Variants in TESC observed in about 807,000 individuals in gnomAD.
TESC encodes the protein calcineurin B homologous protein 3.
In TESC, 19 loss-of-function variants were observed where a neutral mutation model predicts 31.0. The ratio of observed to expected loss-of-function variants is 0.61; its 90% CI spans 0.43 to 0.90. The LOEUF is 0.90. TESC is among the 40% of genes least tolerant of loss of function. The probability of loss-of-function intolerance (pLI) is 0.00; values close to 1 mark genes in which losing one functional copy is unlikely to be tolerated. For synonymous variants in TESC, 109 were observed against 114.8 expected (o/e 0.95, Z 0.32); for missense variants, 248 against 303.8 (o/e 0.82, Z 1.36).
In TESC at chr12:117,082,590, C is replaced by A. The variant is rs191404916; in HGVS notation, c.59-7250G>T. Among the ~76,000 whole-genome samples the A allele has an allele frequency of 4.6e-5, 7 of 151,866 alleles. No individual in the cohort carries two copies. In the East Asian group the frequency reaches 1.4e-3, roughly 29 times the overall value. ...GGTACATCCTGAAGTCAGAATACTA[C>A]ACAGCCTTTATAAATATTTTTTGAA... On this transcript the variant is annotated intron_variant, in intron 1 of 7. Transcript: ENST00000335209.
intron 1 of TESC, among the ~76,000 whole-genome samples, chr12:117,081,505 C>G (rs1042126808): frequency 6.6e-6 from 1 of 152,084 alleles, no homozygotes; most frequent in Non-Finnish European, 1.5e-5. Flanking sequence ...TTGGTATATA[C>G]CCTTTGAATC....
chr12:117,068,317 G>A (rs1411657444), intron 2 of TESC, among the ~76,000 whole-genome samples: 2 of 152,138 alleles, frequency 1.3e-5, no homozygotes, highest in Non-Finnish European at 2.9e-5. Context: ...ATCACCTGAG[G>A]TCAGGAGTTT....
At chr12:117,070,431 C>G (rs1163265802) in intron 2 of TESC, among the ~76,000 whole-genome samples, 1 of 152,146 alleles carries the variant, frequency 6.6e-6, no homozygotes, top group Non-Finnish European at 1.5e-5. Context: ...GCAGGCTGGG[C>G]TGGGGCTGTC....
chr12:117,057,761 G>GT (rs1446704341), intron 2 of TESC, among the ~76,000 whole-genome samples: 1 of 152,138 alleles, frequency 6.6e-6, no homozygotes, highest in Non-Finnish European at 1.5e-5. Context: ...ATGCAATGGA[G>GT]TTTTTTTGTT....
rs1954872046 is a variant in TESC, at chr12:117,065,898, A to G, written c.129-9012T>C. Among the ~76,000 whole-genome samples the G allele has an allele frequency of 2.0e-5, 3 of 152,160 alleles. No individual in the cohort carries two copies. The South Asian group carries it at 6.2e-4, about 31-fold the overall frequency. On this transcript the variant is annotated intron_variant, in intron 2 of 7. Coordinates refer to ENST00000335209, the MANE Select transcript of TESC (RefSeq NM_017899.4). The stretch of plus-strand genomic sequence containing the variant: ...CAACAACAAAAAAGTAGGAGCTAAC[A>G]TACAGCTGGTGTTTCAGGCCACATC...
chr12:117,076,383 C>T (rs1235377210), intron 1 of TESC, among the ~76,000 whole-genome samples: 1 of 152,174 alleles, frequency 6.6e-6, no homozygotes, highest in South Asian at 2.1e-4. Flanking sequence ...CAATATTAAA[C>T]AATGATCTGC....
chr12:117,049,025 G>C lies in TESC; in HGVS notation c.343C>G (p.Leu115Val), dbSNP rs370536389. 8 of 1,614,078 alleles carry C rather than the reference G, an allele frequency of 5.0e-6. No individual in the cohort carries two copies. The African/African-American group carries it at 8.0e-5, about 16-fold the overall frequency. ...GGGACTCAGTGGCACGCACATCTCA[G>C]CTTCTCCTTCCGGGACAGCTCCACC... ...EQVELSRKEK[L>V]RFLFHMYDSD... Residue 115 changes from leucine to valine, a missense_variant, in exon 4 of 8, where the codon CTG (leucine) becomes GTG (valine). Coordinates refer to ENST00000335209, the MANE Select transcript of TESC (RefSeq NM_017899.4).
intron 2 of TESC, among the ~76,000 whole-genome samples, chr12:117,065,218 C>T (rs936701818): frequency 6.6e-6 from 1 of 152,162 alleles, no homozygotes; most frequent in Non-Finnish European, 1.5e-5. Flanking sequence ...TGAAGACAGA[C>T]ACAGGGGAAC....
In TESC at chr12:117,075,265, T is replaced by C; in HGVS notation, c.128+6A>G. 6.2e-7 allele frequency: 1 copy of C among 1,612,488 alleles called. No individual in the cohort carries two copies. The highest frequency in any genetic ancestry group is 8.5e-7 in the Non-Finnish European group (1 of 1,179,796). On this transcript the variant is annotated splice_donor_region_variant and intron_variant, in intron 2 of 7. Coordinates refer to ENST00000335209, the MANE Select transcript of TESC (RefSeq NM_017899.4). Reference sequence around the variant, plus strand: ...ACCCAGCACCCAAACCCGCTGCCAATCTTACCGAATGGTAGGCTGATCTCC... The same window carrying C: ...ACCCAGCACCCAAACCCGCTGCCAACCTTACCGAATGGTAGGCTGATCTCC...
At chr12:117,079,282 C>CT (rs1384438464) in intron 1 of TESC, among the ~76,000 whole-genome samples, 2 of 152,126 alleles carry the variant, frequency 1.3e-5, no homozygotes, top group African/African-American at 4.8e-5. Context: ...TGAGTTATGG[C>CT]TGGGCGTGGT....
intron 1 of TESC, among the ~76,000 whole-genome samples, chr12:117,075,939 A>ATGTGTGTG (rs1213149673): frequency 3.8e-5 from 4 of 104,016 alleles, no homozygotes; most frequent in Non-Finnish European, 7.2e-5. Context: ...ATATATATAT[A>ATGTGTGTG]TGTATATATA....
chr12:117,086,490 G>A (rs966543146), intron 1 of TESC, among the ~76,000 whole-genome samples: 2 of 152,116 alleles, frequency 1.3e-5, no homozygotes, highest in African/African-American at 4.8e-5. Context: ...GGAGTGCAGT[G>A]GCACGATCAC....
intron 3 of TESC, among the ~76,000 whole-genome samples, chr12:117,052,682 C>T (rs1954664551): frequency 2.0e-5 from 3 of 152,176 alleles, no homozygotes; most frequent in South Asian, 4.1e-4. Context: ...CATCTTTCAA[C>T]GACAGCTCTG....
rs182562612 is a variant in TESC at position 117,099,045 on chromosome 12, T to A, written c.58+180A>T. On this transcript the variant is annotated intron_variant, in intron 1 of 7. Transcript: ENST00000335209. The stretch of plus-strand genomic sequence containing the variant: ...GCGGCACTGAGCATCGCCGCGGAGC[T>A]CCTCGCCGCAGCCCGCGAGGTGGCC... Among the ~76,000 whole-genome samples, 179 of 152,004 alleles carry A rather than the reference T, an allele frequency of 1.2e-3. 1 individual carries two copies. Among genetic ancestry groups the A allele is most frequent in the African/African-American group, 4.0e-3 (166 of 41,464 alleles).
intron 4 of TESC, among the ~76,000 whole-genome samples, chr12:117,047,334 G>A (rs961952301): frequency 1.3e-5 from 2 of 152,316 alleles, no homozygotes; most frequent in South Asian, 2.1e-4. Flanking sequence ...TCAGGGAGGC[G>A]ATGGCCGGGA....
rs377131896 is a variant in TESC at position 117,041,906 on chromosome 12, C to T, written c.567+41G>A. On this transcript the variant is annotated intron_variant, in intron 7 of 7. Coordinates refer to ENST00000335209, the MANE Select transcript of TESC (RefSeq NM_017899.4). ...TCCTGACCAGTGGGCCACACGAGGT[C>T]TTCAAGGGTCCCCCGAGGCTCCCAC... 7 of 1,557,176 alleles carry T rather than the reference C, an allele frequency of 4.5e-6. No homozygotes were observed. In the South Asian group the frequency reaches 7.1e-5, roughly 16 times the overall value.
chr12:117,051,650 G>T (rs1954649161), intron 3 of TESC, among the ~76,000 whole-genome samples: 1 of 152,174 alleles, frequency 6.6e-6, no homozygotes, highest in Admixed American at 6.5e-5. Flanking sequence ...TTCCCAAGTG[G>T]TTTAGGCTGC....
At chr12:117,094,746 T>C (rs568889171) in intron 1 of TESC, among the ~76,000 whole-genome samples, 2 of 152,244 alleles carry the variant, frequency 1.3e-5, no homozygotes, top group South Asian at 4.2e-4. Flanking sequence ...CTGTGCGCGG[T>C]GGCTCACACC....
intron 1 of TESC, among the ~76,000 whole-genome samples, chr12:117,087,218 G>A (rs967752757): frequency 6.6e-6 from 1 of 152,202 alleles, no homozygotes; most frequent in African/African-American, 2.4e-5. Context: ...GGTGCACTTG[G>A]CCTTGAGAAG....
Sources: allele counts gnomAD v4.1 joint callset (sites outside exome capture counted in the v4.1 genomes callset), GRCh38; gene constraint gnomAD v4.1.1; transcripts MANE v1.5; gene names NCBI Gene and HGNC (gene_info 2026-07-23, HGNC 2026-07-21).